The following TNFAIP8L3 variants were observed in gnomAD, a reference collection of about 807,000 sequenced individuals.
TNFAIP8L3 encodes tumor necrosis factor alpha-induced protein 8-like protein 3.
Under a neutral mutation model 11.8 loss-of-function variants are expected in TNFAIP8L3, and 7 were observed. The ratio of observed to expected loss-of-function variants is 0.59; its 90% CI spans 0.34 to 1.11. The LOEUF is 1.11. Ranked by LOEUF, TNFAIP8L3 falls within the 50% of genes most tolerant of loss-of-function variation. The probability of loss-of-function intolerance (pLI) is 0.03; values close to 1 mark genes in which losing one functional copy is unlikely to be tolerated. For missense variants in TNFAIP8L3, 219 were observed against 258.6 expected (o/e 0.85, Z 1.05); for synonymous variants, 98 against 103.8 (o/e 0.94, Z 0.34).
chr15:51,102,285 G>T (rs773411397), intron 1 of TNFAIP8L3, among the ~76,000 whole-genome samples: 2 of 152,144 alleles, frequency 1.3e-5, no homozygotes, highest in South Asian at 4.1e-4. Flanking sequence ...GTATCCTCTC[G>T]TGGTTTATGT....
intron 1 of TNFAIP8L3, among the ~76,000 whole-genome samples, chr15:51,059,683 T>A (rs1396164804): frequency 6.6e-6 from 1 of 152,206 alleles, no homozygotes; most frequent in Non-Finnish European, 1.5e-5. Flanking sequence ...TGCAGAAGAA[T>A]AAGAAAGTAG....
Position 51,094,746 on chromosome 15 carries a change from G to C in TNFAIP8L3, c.-151C>G, listed in dbSNP as rs2065499282. ...GGCGGTGCGCGGCGGCAGCGGCCAG[G>C]GGGCGGCTCCGCAGAGGCGAGCGCC... On this transcript the variant is annotated 5_prime_UTR_variant, in exon 1 of 2. Transcript: ENST00000637513. This position sits in a 1 kb window ranked among gnomAD's most constrained non-coding sequence, Gnocchi z 4.4. 2.1e-6 allele frequency: 2 copies of C among 965,638 alleles called. No homozygotes were observed. The highest frequency in any genetic ancestry group is 2.5e-4 in the East Asian group (2 of 8,090). 59.8% of individuals were successfully genotyped at this position (965,638 alleles called of 1,614,324 possible).
intron 1 of TNFAIP8L3, among the ~76,000 whole-genome samples, chr15:51,102,036 T>C (rs567252815): frequency 5.3e-5 from 8 of 150,820 alleles, no homozygotes; most frequent in Non-Finnish European, 8.9e-5. Context: ...CATGTACCAG[T>C]GGTACAGGAA....
intron 1 of TNFAIP8L3, among the ~76,000 whole-genome samples, chr15:51,082,503 T>C (rs2065399507): frequency 6.6e-6 from 1 of 152,220 alleles, no homozygotes; most frequent in African/African-American, 2.4e-5. Flanking sequence ...CTATAGACTT[T>C]ATCAACACTG....
upstream of TNFAIP8L3, among the ~76,000 whole-genome samples, chr15:51,097,755 A>T (rs1009078551): frequency 2.6e-5 from 4 of 152,178 alleles, no homozygotes; most frequent in Admixed American, 6.5e-5. Flanking sequence ...AAGAGAAGGA[A>T]GTCCTTAAAA....
At chr15:51,065,699 G>T (rs915264389) in intron 1 of TNFAIP8L3, among the ~76,000 whole-genome samples, 16 of 152,186 alleles carry the variant, frequency 1.1e-4, no homozygotes, top group Non-Finnish European at 1.8e-4. Flanking sequence ...TTTTTCACAG[G>T]ACTTGGAAAC....
chr15:51,058,654 T>C (rs57831362), intron 1 of TNFAIP8L3, among the ~76,000 whole-genome samples: 2,604 of 152,274 alleles, frequency 0.017, 93 homozygotes, highest in African/African-American at 0.059. Context: ...TTTAATCCTC[T>C]AAACTGTGCT....
chr15:51,095,054 A>G (rs2065503165), upstream of TNFAIP8L3, among the ~76,000 whole-genome samples: 1 of 152,076 alleles, frequency 6.6e-6, no homozygotes, highest in African/African-American at 2.4e-5. Flanking sequence ...GGGTGAGGCC[A>G]AGTTTGTAAA....
chr15:51,102,214 A>G (rs11070835), intron 1 of TNFAIP8L3, among the ~76,000 whole-genome samples: 32,600 of 151,968 alleles, frequency 0.21, 3,600 homozygotes, highest in East Asian at 0.4. Flanking sequence ...CAAGGCTCCT[A>G]TTCCCCAGAC....
chr15:51,092,775 G>T (rs936372492), intron 1 of TNFAIP8L3, among the ~76,000 whole-genome samples: 1 of 152,096 alleles, frequency 6.6e-6, no homozygotes, highest in Non-Finnish European at 1.5e-5. Context: ...AAAACAACAG[G>T]GTGCAGCAGA....
intron 1 of TNFAIP8L3, among the ~76,000 whole-genome samples, chr15:51,063,273 G>C (rs1251910036): frequency 6.6e-6 from 1 of 152,170 alleles, no homozygotes; most frequent in Non-Finnish European, 1.5e-5. Context: ...GATTTTCTTT[G>C]ATTAGGGAAC....
intron 1 of TNFAIP8L3, among the ~76,000 whole-genome samples, chr15:51,085,866 G>A (rs1341287128): frequency 6.6e-6 from 1 of 152,096 alleles, no homozygotes; most frequent in Non-Finnish European, 1.5e-5. Flanking sequence ...TTCTCTTAGG[G>A]CTCAATCTAA....
At chr15:51,079,113 C>G (rs2065374751) in intron 1 of TNFAIP8L3, among the ~76,000 whole-genome samples, 1 of 152,234 alleles carries the variant, frequency 6.6e-6, no homozygotes, top group African/African-American at 2.4e-5. Context: ...TTCTCTTCAC[C>G]CTCTACAAAC....
intron 1 of TNFAIP8L3, among the ~76,000 whole-genome samples, chr15:51,083,067 G>A (rs2065403701): frequency 6.6e-6 from 1 of 152,184 alleles, no homozygotes; most frequent in Non-Finnish European, 1.5e-5. Flanking sequence ...TCTGTTAAAT[G>A]TGAATCTAAA....
At chr15:51,082,196 A>G (rs2065397502) in intron 1 of TNFAIP8L3, among the ~76,000 whole-genome samples, 1 of 152,146 alleles carries the variant, frequency 6.6e-6, no homozygotes, top group Non-Finnish European at 1.5e-5. Context: ...TACTTATACA[A>G]ACCTAGATGG....
intron 1 of TNFAIP8L3, among the ~76,000 whole-genome samples, chr15:51,091,766 A>G (rs2065472646): frequency 6.6e-6 from 1 of 152,244 alleles, no homozygotes; most frequent in East Asian, 1.9e-4. Context: ...GAGAAAATTC[A>G]AAACAAATCT....
chr15:51,097,324 TACAAC>T (rs2065520225), upstream of TNFAIP8L3, among the ~76,000 whole-genome samples: 1 of 152,206 alleles, frequency 6.6e-6, no homozygotes, highest in Admixed American at 6.5e-5. Context: ...AACACACATT[TACAAC>T]ACATGTATGC....
chr15:51,066,789 A>G (rs1323090683), intron 1 of TNFAIP8L3, among the ~76,000 whole-genome samples: 3 of 152,228 alleles, frequency 2.0e-5, no homozygotes, highest in African/African-American at 7.2e-5. Flanking sequence ...GGGCAGGACC[A>G]TTAAGGAACT....
intron 1 of TNFAIP8L3, among the ~76,000 whole-genome samples, chr15:51,075,209 C>T (rs766094818): frequency 4.6e-5 from 7 of 152,194 alleles, no homozygotes; most frequent in Admixed American, 6.5e-5. Flanking sequence ...ACTCAAATGC[C>T]TTCTGAACTA....
Sources: allele counts gnomAD v4.1 joint callset (sites outside exome capture counted in the v4.1 genomes callset), GRCh38; gene constraint gnomAD v4.1.1; non-coding constraint Gnocchi (gnomAD v3.1); transcripts MANE v1.5; gene names NCBI Gene and HGNC (gene_info 2026-07-23, HGNC 2026-07-21).